The following KCNQ5 variants were observed in gnomAD, a reference collection of about 807,000 sequenced individuals.
The protein encoded by KCNQ5 is potassium voltage-gated channel subfamily Q member 5, also known as potassium voltage-gated channel subfamily KQT member 5.
KCNQ5 carries 30 observed loss-of-function variants against 98.2 expected under a neutral mutation model. The ratio of observed to expected loss-of-function variants is 0.31; its 90% confidence interval spans 0.23 to 0.41. The LOEUF is 0.41. Ranked by LOEUF, KCNQ5 falls within the 10% of genes least tolerant of loss-of-function variation. The pLI is 1.00. For synonymous variants in KCNQ5, 458 were observed against 449.4 expected (o/e 1.02, Z -0.24); for missense variants, 835 against 1,182.5 (o/e 0.71, Z 4.31).
chr6:73,069,514 C>A (rs1308531497), intron 3 of KCNQ5, among the ~76,000 whole-genome samples: 3 of 151,820 alleles, frequency 2.0e-5, no homozygotes, highest in African/African-American at 7.3e-5. Context: ...CGGAGCTAGT[C>A]ACTGAGGTTA....
At chr6:72,779,995 G>C (rs945125888) in intron 1 of KCNQ5, among the ~76,000 whole-genome samples, 3 of 151,996 alleles carry the variant, frequency 2.0e-5, no homozygotes, top group Admixed American at 6.6e-5. Context: ...CCACCATGCT[G>C]AGCCATGAGT....
chr6:72,733,337 A>C (rs1770651404), intron 1 of KCNQ5, among the ~76,000 whole-genome samples: 1 of 152,226 alleles, frequency 6.6e-6, no homozygotes, highest in Non-Finnish European at 1.5e-5. Flanking sequence ...AATACTATAG[A>C]TGTCAAGTAA....
chr6:72,854,721 T>TACACAC (rs59899899), intron 1 of KCNQ5, among the ~76,000 whole-genome samples: 1,852 of 126,818 alleles, frequency 0.015, 48 homozygotes, highest in African/African-American at 0.052. Context: ...TCTTTCTTTG[T>TACACAC]ACACACACAC....
At chr6:73,135,291 G>T (rs1252264244) in intron 10 of KCNQ5, 1 of 151,878 alleles carries the variant, frequency 6.6e-6, no homozygotes, top group African/African-American at 2.4e-5. Flanking sequence ...AGTTACCTTT[G>T]AGTGGTGAGA....
chr6:72,663,744 A>C (rs1303235562), intron 1 of KCNQ5, among the ~76,000 whole-genome samples: 1 of 152,234 alleles, frequency 6.6e-6, no homozygotes, highest in African/African-American at 2.4e-5. Flanking sequence ...TTCCAAAATA[A>C]GACTCTTTCA....
At chr6:72,995,536 A>T (rs1294323403) in intron 1 of KCNQ5, among the ~76,000 whole-genome samples, 3 of 152,188 alleles carry the variant, frequency 2.0e-5, no homozygotes, top group African/African-American at 7.2e-5. Context: ...ATTTCAGCAA[A>T]GCACTGATAA....
chr6:73,155,265 G>C (rs1365398962), intron 10 of KCNQ5, among the ~76,000 whole-genome samples: 1 of 152,166 alleles, frequency 6.6e-6, no homozygotes, highest in Non-Finnish European at 1.5e-5. Context: ...GTTACATGTA[G>C]GCTGAAATTA....
intron 1 of KCNQ5, among the ~76,000 whole-genome samples, chr6:72,912,536 G>A (rs1779983643): frequency 6.6e-6 from 1 of 152,152 alleles, no homozygotes; most frequent in South Asian, 2.1e-4. Flanking sequence ...ACTAATTTGG[G>A]TTTAAATTCA....
chr6:72,900,031 T>G (rs1012992179), intron 1 of KCNQ5, among the ~76,000 whole-genome samples: 83 of 152,070 alleles, frequency 5.5e-4, no homozygotes, highest in African/African-American at 2.0e-3. Flanking sequence ...AGAGATGGGG[T>G]TTCACCATGT....
chr6:72,623,761 C>T (rs1475381293), intron 1 of KCNQ5, among the ~76,000 whole-genome samples: 2 of 152,076 alleles, frequency 1.3e-5, no homozygotes, highest in Non-Finnish European at 2.9e-5. Flanking sequence ...GTTGCAGATA[C>T]TCGCTGATAC....
At chr6:73,137,591 A>G (rs1298479850) in intron 10 of KCNQ5, among the ~76,000 whole-genome samples, 1 of 152,172 alleles carries the variant, frequency 6.6e-6, no homozygotes, top group East Asian at 1.9e-4. Context: ...TAAAACGAAC[A>G]TGTATTGAAT....
intron 2 of KCNQ5, among the ~76,000 whole-genome samples, chr6:73,038,622 A>G (rs7770061): frequency 0.69 from 103,557 of 150,806 alleles, 40,055 homozygotes; most frequent in Non-Finnish European, 0.88. Flanking sequence ...ATCAATTTAT[A>G]TGATTTTTTT....
intron 1 of KCNQ5, among the ~76,000 whole-genome samples, chr6:72,683,853 T>C (rs1767826046): frequency 6.6e-6 from 1 of 152,222 alleles, no homozygotes; most frequent in South Asian, 2.1e-4. Flanking sequence ...TTACATTGTC[T>C]GGAGCTTATA....
intron 1 of KCNQ5, among the ~76,000 whole-genome samples, chr6:72,717,112 TA>T (rs1198798851): frequency 6.6e-6 from 1 of 152,238 alleles, no homozygotes; most frequent in Non-Finnish European, 1.5e-5. Context: ...CTCACTGGCA[TA>T]ATCTGATGAG....
intron 1 of KCNQ5, among the ~76,000 whole-genome samples, chr6:72,858,560 C>G (rs1483336663): frequency 6.6e-6 from 1 of 151,386 alleles, no homozygotes; most frequent in Non-Finnish European, 1.5e-5. Flanking sequence ...TTTTTTTTAA[C>G]ATTGTTGCTC....
chr6:73,030,221 T>C (rs1270306441), intron 2 of KCNQ5, among the ~76,000 whole-genome samples: 4 of 152,218 alleles, frequency 2.6e-5, no homozygotes, highest in African/African-American at 4.8e-5. Flanking sequence ...ACTTTGAGGA[T>C]AGTTAACTTC....
chr6:72,685,609 T>A (rs1767911537), intron 1 of KCNQ5, among the ~76,000 whole-genome samples: 1 of 152,220 alleles, frequency 6.6e-6, no homozygotes, highest in Non-Finnish European at 1.5e-5. Context: ...TATCATATCA[T>A]ACACACTGTA....
rs983316269 is a variant in KCNQ5 at position 72,981,866 on chromosome 6, A to G, written c.399-22042A>G. 4.6e-5 allele frequency among the ~76,000 whole-genome samples: 7 copies of G among 152,242 alleles called. No individual in the cohort carries two copies. In the East Asian group the frequency reaches 1.2e-3, roughly 25 times the overall value. On this transcript the variant is annotated intron_variant, in intron 1 of 13. Transcript: ENST00000370398. Reference sequence around the variant, plus strand: ...AGATTCTGGTTGTGTCTTTGTTCTCATTGCTTTCAAAGAACATCTTTATTT... The same window carrying G: ...AGATTCTGGTTGTGTCTTTGTTCTCGTTGCTTTCAAAGAACATCTTTATTT...
At chr6:72,758,820 T>C (rs1049889540) in intron 1 of KCNQ5, among the ~76,000 whole-genome samples, 8 of 152,162 alleles carry the variant, frequency 5.3e-5, no homozygotes, top group African/African-American at 1.9e-4. Flanking sequence ...AATAGTAAGT[T>C]ATGTGTCTGT....
Sources: gnomAD v4.1 joint callset for allele counts (sites outside exome capture counted in the v4.1 genomes callset) on GRCh38, gnomAD v4.1.1 for gene constraint, MANE v1.5 for transcripts, NCBI Gene and HGNC (gene_info 2026-07-23, HGNC 2026-07-21) for gene names.